ZMAT5: variants seen among roughly 807,000 people sequenced by gnomAD.
ZMAT5 encodes zinc finger matrin-type protein 5.
ZMAT5 carries 23 observed loss-of-function variants against 28.0 expected under a neutral mutation model. The observed-to-expected ratio is 0.82, with a 90% CI of 0.59 to 1.16. The LOEUF (loss-of-function observed/expected upper bound fraction) is 1.16, where lower values mean the gene tolerates loss of function less well. Among genes scored for constraint, ZMAT5 ranks in the 50% most tolerant of loss-of-function variants. The probability of loss-of-function intolerance (pLI) is 0.00; values close to 1 mark genes in which losing one functional copy is unlikely to be tolerated. For synonymous variants in ZMAT5, 76 were observed against 84.1 expected (o/e 0.90, Z 0.52); for missense variants, 173 against 212.7 (o/e 0.81, Z 1.16).
intron 5 of ZMAT5, among the ~76,000 whole-genome samples, chr22:29,736,053 G>A (rs180864560): frequency 6.6e-5 from 10 of 152,346 alleles, no homozygotes; most frequent in Admixed American, 2.6e-4. Flanking sequence ...GCAGGGAGGC[G>A]AGTGGCTGGT....
intron 1 of ZMAT5, among the ~76,000 whole-genome samples, chr22:29,760,857 A>G (rs1052631317): frequency 1.3e-5 from 2 of 152,222 alleles, no homozygotes; most frequent in African/African-American, 4.8e-5. Context: ...TTCTTACTAG[A>G]TAAGTGTCTT....
intron 5 of ZMAT5, 106 bp from the exon 6 acceptor site, chr22:29,731,460 T>C (rs968434934): frequency 7.0e-7 from 1 of 1,436,608 alleles, no homozygotes. Flanking sequence ...GAGGGTCAGC[T>C]GCCTGCATGA....
chr22:29,756,436 C>T (rs1476671074), intron 1 of ZMAT5, among the ~76,000 whole-genome samples: 1 of 152,200 alleles, frequency 6.6e-6, no homozygotes, highest in Non-Finnish European at 1.5e-5. Context: ...GGCAGCCACA[C>T]ACCTTTTTCA....
chr22:29,732,688 C>T (rs1307934337), intron 5 of ZMAT5, among the ~76,000 whole-genome samples: 3 of 148,170 alleles, frequency 2.0e-5, no homozygotes, highest in Non-Finnish European at 4.4e-5. Context: ...TGCAGTGAGC[C>T]GAGATCGCGC....
chr22:29,761,769 A>G (rs988441163), intron 1 of ZMAT5, among the ~76,000 whole-genome samples: 3 of 152,160 alleles, frequency 2.0e-5, no homozygotes, highest in South Asian at 2.1e-4. Flanking sequence ...TAAAATATAG[A>G]GTTAGTGACA....
chr22:29,759,728 C>G (rs2068137593), intron 1 of ZMAT5, among the ~76,000 whole-genome samples: 1 of 152,064 alleles, frequency 6.6e-6, no homozygotes, highest in South Asian at 2.1e-4. Flanking sequence ...TCTGATCATG[C>G]CACTGTACTC....
intron 5 of ZMAT5, among the ~76,000 whole-genome samples, chr22:29,732,392 G>A (rs1015583246): frequency 6.6e-6 from 1 of 152,226 alleles, no homozygotes; most frequent in African/African-American, 2.4e-5. Flanking sequence ...AGCAATAGCC[G>A]TGAGACAATG....
At chr22:29,750,726 T>C (rs1028191688) in intron 1 of ZMAT5, among the ~76,000 whole-genome samples, 46 of 152,170 alleles carry the variant, frequency 3.0e-4, no homozygotes, top group Non-Finnish European at 5.1e-4. Flanking sequence ...ACAAGGTAGC[T>C]ATCCGGGCTA....
intron 5 of ZMAT5, among the ~76,000 whole-genome samples, chr22:29,737,091 A>G (rs1175570008): frequency 1.3e-5 from 2 of 150,818 alleles, no homozygotes; most frequent in East Asian, 1.9e-4. Flanking sequence ...GCACTTTGGG[A>G]GGCCGAGGCA....
At chr22:29,733,903 G>A (rs545291771) in intron 5 of ZMAT5, among the ~76,000 whole-genome samples, 1 of 152,370 alleles carries the variant, frequency 6.6e-6, no homozygotes, top group East Asian at 1.9e-4. Flanking sequence ...AGACACGTGA[G>A]CCAAAGCCTT....
intron 4 of ZMAT5, among the ~76,000 whole-genome samples, chr22:29,738,778 C>T (rs1282210519): frequency 1.3e-5 from 2 of 152,074 alleles, no homozygotes; most frequent in African/African-American, 2.4e-5. Flanking sequence ...CCAAGGCGGG[C>T]GGATCACCTG....
chr22:29,762,221 A>G (rs927178128), intron 1 of ZMAT5, among the ~76,000 whole-genome samples: 1 of 152,252 alleles, frequency 6.6e-6, no homozygotes, highest in African/African-American at 2.4e-5. Context: ...TGAGAAATTC[A>G]GAATCTTCAA....
chr22:29,732,316 C>G (rs992925401), intron 5 of ZMAT5, among the ~76,000 whole-genome samples: 6 of 152,238 alleles, frequency 3.9e-5, no homozygotes, highest in African/African-American at 1.4e-4. Context: ...CCCTTTGAAC[C>G]AGCAACCTCA....
chr22:29,747,817 C>T (rs1417768423), intron 2 of ZMAT5: 1 of 165,094 alleles, frequency 6.1e-6, no homozygotes, highest in Non-Finnish European at 1.3e-5. Context: ...GGGTTATTCA[C>T]CCGTGCCTGC....
At chr22:29,756,018 G>T (rs1275695828) in intron 1 of ZMAT5, among the ~76,000 whole-genome samples, 2 of 152,260 alleles carry the variant, frequency 1.3e-5, no homozygotes, top group Non-Finnish European at 2.9e-5. Context: ...TTCGTTGTGT[G>T]TGTCTCAGGT....
intron 2 of ZMAT5, among the ~76,000 whole-genome samples, chr22:29,743,707 C>T (rs186416919): frequency 1.3e-5 from 2 of 152,366 alleles, no homozygotes; most frequent in South Asian, 2.1e-4. Flanking sequence ...GCTGGGATTA[C>T]AGGCGTGAGC....
chr22:29,731,524 T>A, intron 5 of ZMAT5, 170 bp from the exon 6 acceptor site: 1 of 808,520 alleles, frequency 1.2e-6, no homozygotes, highest in South Asian at 2.1e-5. Context: ...GCCAGCGACC[T>A]CACCTCTAGG....
At chr22:29,748,621 C>T (rs2068030953) in intron 1 of ZMAT5, 50 bp from the exon 2 acceptor site, 5 of 1,597,422 alleles carry the variant, frequency 3.1e-6, no homozygotes, top group East Asian at 2.2e-5. Flanking sequence ...AAACACATCC[C>T]TCACCAGCCC....
chr22:29,734,182 CTG>C (rs903252753), intron 5 of ZMAT5, among the ~76,000 whole-genome samples: 2 of 152,212 alleles, frequency 1.3e-5, no homozygotes, highest in African/African-American at 4.8e-5. Context: ...AGGGATTAGT[CTG>C]TGTGTCTGAG....
Sources: gnomAD v4.1 joint callset for allele counts (sites outside exome capture counted in the v4.1 genomes callset) on GRCh38, gnomAD v4.1.1 for gene constraint, MANE v1.5 for transcripts, NCBI Gene and HGNC (gene_info 2026-07-23, HGNC 2026-07-21) for gene names.